Variants in MSRA observed in about 807,000 individuals in gnomAD.
MSRA encodes methionine sulfoxide reductase A.
MSRA carries 54 observed loss-of-function variants against 31.3 expected under a neutral mutation model. That is an observed-to-expected ratio of 1.73 (90% CI 1.39 to 2.17). MSRA has a LOEUF of 2.17. Ranked by LOEUF, MSRA falls within the 30% of genes most tolerant of loss-of-function variation. The pLI, the probability that MSRA is intolerant of heterozygous loss-of-function variation, is 0.00. For missense variants in MSRA, 507 were observed against 300.9 expected (o/e 1.69, Z -5.07); for synonymous variants, 169 against 116.5 (o/e 1.45, Z -2.90).
At chr8:10,226,843 C>G (rs1456122590) in intron 2 of MSRA, among the ~76,000 whole-genome samples, 1 of 152,178 alleles carries the variant, frequency 6.6e-6, no homozygotes, top group East Asian at 1.9e-4. Flanking sequence ...TGATCTCAGC[C>G]TTGCTCTCAG....
intron 1 of MSRA, among the ~76,000 whole-genome samples, chr8:10,085,376 G>A (rs979494244): frequency 2.6e-5 from 4 of 152,096 alleles, no homozygotes; most frequent in African/African-American, 7.2e-5. Context: ...AAACTTTGTC[G>A]TGCTCAAGAA....
intron 5 of MSRA, among the ~76,000 whole-genome samples, chr8:10,376,691 C>T (rs1385914125): frequency 1.3e-5 from 2 of 152,094 alleles, no homozygotes; most frequent in Non-Finnish European, 2.9e-5. Context: ...GTTTTTGAAC[C>T]AGTTTTAGTG....
chr8:10,322,218 C>T lies in MSRA; in HGVS notation c.543+2229C>T, dbSNP rs553055507. 7.0e-5 allele frequency among the ~76,000 whole-genome samples: 9 copies of T among 127,880 alleles called. No individual in the cohort carries two copies. The South Asian group carries it at 2.7e-3, about 38-fold the overall frequency. 83.9% of individuals were successfully genotyped at this position (127,880 alleles called of 152,430 possible). On this transcript the variant is annotated intron_variant, in intron 5 of 5. Transcript: ENST00000317173. ...AGACCTATGAGGATGAGGGAGACCC[C>T]ATTATCCCCATTTTCCAGATGCTCA...
chr8:10,063,583 G>C (rs947969262), intron 1 of MSRA, among the ~76,000 whole-genome samples: 3 of 152,190 alleles, frequency 2.0e-5, no homozygotes, highest in African/African-American at 7.2e-5. Context: ...GGATTAGGAG[G>C]TGGGGGCTTT....
intron 1 of MSRA, among the ~76,000 whole-genome samples, chr8:10,084,935 G>T (rs529491334): frequency 6.6e-6 from 1 of 151,976 alleles, no homozygotes; most frequent in Non-Finnish European, 1.5e-5. Flanking sequence ...TATTTTTTCA[G>T]ATGAAGCTGG....
At chr8:10,170,426 C>G (rs1805494948) in intron 1 of MSRA, among the ~76,000 whole-genome samples, 2 of 152,140 alleles carry the variant, frequency 1.3e-5, no homozygotes, top group African/African-American at 2.4e-5. Flanking sequence ...GAAGCAGGTC[C>G]TCAGCAGACA....
At chr8:10,119,033 C>T (rs1398815781) in intron 1 of MSRA, among the ~76,000 whole-genome samples, 2 of 152,172 alleles carry the variant, frequency 1.3e-5, no homozygotes, top group Non-Finnish European at 2.9e-5. Context: ...CCCTCCCCGC[C>T]TTCCCTGGGA....
At chr8:10,285,026 T>TAA (rs5889328) in intron 3 of MSRA, among the ~76,000 whole-genome samples, 93 of 144,824 alleles carry the variant, frequency 6.4e-4, no homozygotes, top group South Asian at 1.5e-3. Flanking sequence ...TTTTTTTCTT[T>TAA]AAAAAAAAAA....
chr8:10,404,915 C>G (rs750776014), intron 5 of MSRA, among the ~76,000 whole-genome samples: 1 of 152,252 alleles, frequency 6.6e-6, no homozygotes, highest in Non-Finnish European at 1.5e-5. Context: ...TGTGCACCCA[C>G]TGCTCCCCAC....
At chr8:10,393,455 G>T (rs1243902867) in intron 5 of MSRA, among the ~76,000 whole-genome samples, 3 of 152,186 alleles carry the variant, frequency 2.0e-5, no homozygotes, top group African/African-American at 7.2e-5. Context: ...CATCTTGAAG[G>T]AAATTGGCAC....
intron 3 of MSRA, among the ~76,000 whole-genome samples, chr8:10,266,100 A>G (rs573656755): frequency 6.6e-6 from 1 of 152,180 alleles, no homozygotes. Flanking sequence ...TTTCTCTTAC[A>G]TTAATACCTA....
chr8:10,283,822 T>TACACAC (rs1362278035), intron 3 of MSRA, among the ~76,000 whole-genome samples: 4 of 72,280 alleles, frequency 5.5e-5, no homozygotes, highest in African/African-American at 2.0e-4. Flanking sequence ...TATATATATA[T>TACACAC]ATATATATAT....
rs1554533051 is a variant in MSRA, at chr8:10,057,629, C to CCG, written c.142+2971_142+2972insCG. On this transcript the variant is annotated intron_variant, in intron 1 of 5. Transcript: ENST00000317173. ...CCTGGTGAGAGGTGATTGAAACATG[C>CCG]GGGGGGTGGACTTTCCCCTTGCTGT... 1.1e-4 allele frequency among the ~76,000 whole-genome samples: 16 copies of CCG among 152,182 alleles called. No individual in the cohort carries two copies. In the East Asian group the frequency reaches 1.7e-3, roughly 17 times the overall value.
At chr8:10,226,077 T>A (rs535857036) in intron 2 of MSRA, among the ~76,000 whole-genome samples, 15 of 152,210 alleles carry the variant, frequency 9.9e-5, no homozygotes, top group Admixed American at 1.3e-4. Flanking sequence ...GTTCCTGTTA[T>A]GAGATTTGGC....
intron 1 of MSRA, among the ~76,000 whole-genome samples, chr8:10,106,958 ACCATCTACCCCATC>A (rs1411267715): frequency 1.3e-5 from 2 of 151,696 alleles, no homozygotes; most frequent in African/African-American, 2.4e-5. Context: ...CACCTACGCA[ACCATCTACCCCATC>A]CGTCCATCCA....
At chr8:10,135,322 C>T (rs918292388) in intron 1 of MSRA, among the ~76,000 whole-genome samples, 2 of 152,194 alleles carry the variant, frequency 1.3e-5, no homozygotes, top group Non-Finnish European at 2.9e-5. Context: ...AAACCTAAAT[C>T]TCTAAGGTGA....
rs572793623 is a variant in MSRA at position 10,284,233 on chromosome 8, G to T, written c.332-17301G>T. Among the ~76,000 whole-genome samples, 4 of 152,110 alleles carry T rather than the reference G, an allele frequency of 2.6e-5. No homozygotes were observed. In the East Asian group the frequency reaches 7.7e-4, roughly 29 times the overall value. On this transcript the variant is annotated intron_variant, in intron 3 of 5. Transcript: ENST00000317173. ...AGACAGAGTTTTACTCTTGTTCCCG[G>T]GATGGAGTGCAATGGCACAATCTCG...
In MSRA at chr8:10,313,898, T is replaced by C. The variant is rs913244965; in HGVS notation, c.437-5985T>C. Among the ~76,000 whole-genome samples, 98 of 152,164 alleles carry C rather than the reference T, an allele frequency of 6.4e-4. 1 individual carries two copies. Among genetic ancestry groups the C allele is most frequent in the Non-Finnish European group, 1.6e-4 (11 of 68,024 alleles). On this transcript the variant is annotated intron_variant, in intron 4 of 5. Transcript: ENST00000317173. ...GTATGACAAATGACACAGTTGGCAT[T>C]TCATAGTACTGGGGAAATAATGGCT...
At chr8:10,376,314 T>C (rs962902787) in intron 5 of MSRA, among the ~76,000 whole-genome samples, 1 of 152,212 alleles carries the variant, frequency 6.6e-6, no homozygotes, top group Non-Finnish European at 1.5e-5. Context: ...GAACAGCAAA[T>C]GCCATTTGGC....
Sources: allele counts gnomAD v4.1 joint callset (sites outside exome capture counted in the v4.1 genomes callset), GRCh38; gene constraint gnomAD v4.1.1; transcripts MANE v1.5; gene names NCBI Gene and HGNC (gene_info 2026-07-23, HGNC 2026-07-21).